The following SCAPER variants were observed in gnomAD, a reference collection of about 807,000 sequenced individuals.
SCAPER encodes the protein S phase cyclin A-associated protein in the endoplasmic reticulum.
A neutral mutation model predicts 182.2 loss-of-function variants in SCAPER; 98 were observed. That is an observed-to-expected ratio of 0.54 (90% CI 0.46 to 0.64). SCAPER has a LOEUF of 0.64. Among genes scored for constraint, SCAPER ranks in the 30% least tolerant of loss-of-function variants. SCAPER has a pLI of 0.00. For missense variants in SCAPER, 1,432 were observed against 1,690.0 expected (o/e 0.85, Z 2.68); for synonymous variants, 605 against 564.6 (o/e 1.07, Z -1.01).
At chr15:76,515,991 G>T (rs912664884) in intron 23 of SCAPER, among the ~76,000 whole-genome samples, 1 of 152,076 alleles carries the variant, frequency 6.6e-6, no homozygotes, top group Non-Finnish European at 1.5e-5. Context: ...ACTGGTCCTT[G>T]TCTGTGCTGA....
At chr15:76,692,708 AAAAAGGAAAAGG>A (rs1418750805) in intron 20 of SCAPER, among the ~76,000 whole-genome samples, 3 of 150,964 alleles carry the variant, frequency 2.0e-5, no homozygotes, top group African/African-American at 4.9e-5. Context: ...AAAAAAAAAA[AAAAAGGAAAAGG>A]AAAAGGAAAG....
At chr15:76,425,077 A>C (rs1019872645) in intron 26 of SCAPER, among the ~76,000 whole-genome samples, 1 of 152,122 alleles carries the variant, frequency 6.6e-6, no homozygotes, top group African/African-American at 2.4e-5. Context: ...AACTTTGGTG[A>C]ATCTGACAAT....
intron 24 of SCAPER, among the ~76,000 whole-genome samples, chr15:76,479,045 C>T (rs1389215894): frequency 1.3e-5 from 2 of 152,084 alleles, no homozygotes; most frequent in East Asian, 3.8e-4. Flanking sequence ...CTAATGCCCT[C>T]TGTGCTTTAC....
chr15:76,847,167 T>C (rs1414282941), intron 4 of SCAPER, among the ~76,000 whole-genome samples: 29 of 151,608 alleles, frequency 1.9e-4, no homozygotes, highest in Non-Finnish European at 2.9e-5. Context: ...TCAGAGAAAA[T>C]AGAATGATAG....
At chr15:76,456,439 A>G (rs1033305289) in intron 25 of SCAPER, among the ~76,000 whole-genome samples, 4 of 152,168 alleles carry the variant, frequency 2.6e-5, no homozygotes, top group African/African-American at 9.7e-5. Context: ...ACTTCATCCC[A>G]CTGTCTTCAG....
rs188609474 is a variant in SCAPER at position 76,425,539 on chromosome 15, C to T, written c.3311+8539G>A. Among the ~76,000 whole-genome samples, 657 of 152,196 alleles carry T rather than the reference C, an allele frequency of 4.3e-3. 7 individuals are homozygous for T. Among genetic ancestry groups the T allele is most frequent in the African/African-American group, 0.015 (623 of 41,542 alleles). ...CGTCTAATCTTTTTTCAAGGTTTTT[C>T]GCTTTTTTGCAGTGGGTTCGAACTT... On this transcript the variant is annotated intron_variant, in intron 26 of 31. Transcript: ENST00000563290.
intron 5 of SCAPER, among the ~76,000 whole-genome samples, chr15:76,832,797 T>TC (rs1009297411): frequency 2.2e-4 from 34 of 152,246 alleles, no homozygotes; most frequent in African/African-American, 7.9e-4. Flanking sequence ...TGCCTGCTGC[T>TC]CCCGTTTTGC....
chr15:76,403,401 T>G (rs2044606142), intron 27 of SCAPER, among the ~76,000 whole-genome samples: 1 of 152,236 alleles, frequency 6.6e-6, no homozygotes, highest in African/African-American at 2.4e-5. Flanking sequence ...TTGGCTTCCC[T>G]GACTTCTCTA....
chr15:76,816,778 G>C (rs1027135877), intron 5 of SCAPER, among the ~76,000 whole-genome samples: 1 of 151,396 alleles, frequency 6.6e-6, no homozygotes, highest in Admixed American at 6.6e-5. Flanking sequence ...TCAGCCTCCC[G>C]AGTAGCTGGG....
At chr15:76,741,761 A>G (rs1435083614) in intron 15 of SCAPER, among the ~76,000 whole-genome samples, 4 of 152,146 alleles carry the variant, frequency 2.6e-5, no homozygotes, top group African/African-American at 9.6e-5. Context: ...ATGGGTGACT[A>G]GTTATTATTA....
intron 23 of SCAPER, among the ~76,000 whole-genome samples, chr15:76,511,370 C>G (rs2042013677): frequency 6.6e-6 from 1 of 152,182 alleles, no homozygotes. Context: ...TGTTTCATAA[C>G]AGTGGCCTGG....
At chr15:76,434,408 C>T in intron 25 of SCAPER, 98 bp from the exon 26 acceptor site, 1 of 890,672 alleles carries the variant, frequency 1.1e-6, no homozygotes, top group Admixed American at 2.8e-5. Context: ...GTAATTTTGA[C>T]AATCTAAAAT....
At chr15:76,723,360 A>G (rs1567925838) in intron 17 of SCAPER, among the ~76,000 whole-genome samples, 2 of 152,118 alleles carry the variant, frequency 1.3e-5, no homozygotes, top group South Asian at 2.1e-4. Flanking sequence ...TATGTGGTCA[A>G]TTTTGGAATA....
intron 7 of SCAPER, among the ~76,000 whole-genome samples, chr15:76,797,874 GCTATCT>G (rs2065442502): frequency 6.6e-6 from 1 of 150,792 alleles, no homozygotes; most frequent in Admixed American, 6.6e-5. Flanking sequence ...GGAGAGAGTA[GCTATCT>G]GATCTCCAAA....
intron 23 of SCAPER, among the ~76,000 whole-genome samples, chr15:76,527,108 G>A (rs900654176): frequency 5.9e-5 from 9 of 151,884 alleles, no homozygotes; most frequent in African/African-American, 1.7e-4. Flanking sequence ...ACTCCTGACC[G>A]CAGATGATCC....
intron 23 of SCAPER, among the ~76,000 whole-genome samples, chr15:76,558,941 C>G (rs2046387485): frequency 6.6e-6 from 1 of 152,116 alleles, no homozygotes; most frequent in Non-Finnish European, 1.5e-5. Flanking sequence ...CCCAATATCC[C>G]CACGTGTCAA....
intron 20 of SCAPER, among the ~76,000 whole-genome samples, chr15:76,690,124 A>C (rs146565001): frequency 2.6e-5 from 4 of 152,298 alleles, no homozygotes; most frequent in Non-Finnish European, 4.4e-5. Context: ...CACAGTGAAG[A>C]AACATTGCAA....
chr15:76,872,477 G>A (rs887142211), intron 2 of SCAPER, among the ~76,000 whole-genome samples: 3 of 151,892 alleles, frequency 2.0e-5, no homozygotes, highest in Non-Finnish European at 2.9e-5. Context: ...ACCTTCAAAG[G>A]GGTGACAAAA....
At chr15:76,799,190 T>A (rs1447786347) in intron 7 of SCAPER, among the ~76,000 whole-genome samples, 5 of 152,202 alleles carry the variant, frequency 3.3e-5, no homozygotes, top group Non-Finnish European at 5.9e-5. Context: ...TCATGTTATA[T>A]AATATTTGGC....
Sources: allele counts gnomAD v4.1 joint callset (sites outside exome capture counted in the v4.1 genomes callset), GRCh38; gene constraint gnomAD v4.1.1; transcripts MANE v1.5; gene names NCBI Gene and HGNC (gene_info 2026-07-23, HGNC 2026-07-21).